Variants in RAD51C observed in about 807,000 individuals in gnomAD.
RAD51C encodes the protein RAD51 paralog C.
RAD51C carries 42 observed loss-of-function variants against 45.0 expected under a neutral mutation model. The observed-to-expected ratio is 0.93, with a 90% CI of 0.73 to 1.21. The LOEUF is 1.21. Among genes scored for constraint, RAD51C ranks in the 50% most tolerant of loss-of-function variants. RAD51C has a pLI of 0.00. For missense variants in RAD51C, 474 were observed against 452.2 expected, an observed-to-expected ratio of 1.05 and a Z score of -0.44; for synonymous variants, 172 against 159.8, an observed-to-expected ratio of 1.08 and a Z score of -0.58.
Position 58,722,779 on chromosome 17 carries a change from T to C in RAD51C, c.905-1261T>C, listed in dbSNP as rs566587401. ...GCGCTCTCTTTGCTAGTTCTGGAAT[T>C]TGGCCAGGATGCACATCAAAATCTC... On this transcript the variant is annotated intron_variant, in intron 6 of 8. Transcript: ENST00000337432. Among the ~76,000 whole-genome samples the C allele has an allele frequency of 1.4e-4, 22 of 152,330 alleles. No individual in the cohort carries two copies. In the South Asian group the frequency reaches 4.3e-3, roughly 30 times the overall value.
At chr17:58,726,843 C>T (rs1317399689) in intron 7 of RAD51C, among the ~76,000 whole-genome samples, 2 of 139,906 alleles carry the variant, frequency 1.4e-5, no homozygotes, top group African/African-American at 2.5e-5. Flanking sequence ...TTTTTTGAGA[C>T]GGAGTCTCGC....
intron 3 of RAD51C, among the ~76,000 whole-genome samples, chr17:58,701,839 A>G (rs751088727): frequency 2.0e-5 from 3 of 152,006 alleles, no homozygotes; most frequent in Non-Finnish European, 4.4e-5. Flanking sequence ...CTGTGATTAC[A>G]AGTGTGAGCC....
chr17:58,703,905 A>G (rs2048292802), intron 4 of RAD51C, among the ~76,000 whole-genome samples: 1 of 134,976 alleles, frequency 7.4e-6, no homozygotes, highest in African/African-American at 2.8e-5. Context: ...TCAAGGCTAC[A>G]TTGAGCTACC....
At chr17:58,720,439 T>A (rs2048878682) in intron 5 of RAD51C, among the ~76,000 whole-genome samples, 2 of 151,244 alleles carry the variant, frequency 1.3e-5, no homozygotes, top group Non-Finnish European at 3.0e-5. Flanking sequence ...AAATAAAAAA[T>A]AAAATCACAA....
intron 4 of RAD51C, 48 bp from the exon 5 acceptor site, chr17:58,709,811 T>C (rs1236977179): frequency 2.0e-6 from 3 of 1,521,978 alleles, no homozygotes; most frequent in Non-Finnish European, 2.7e-6. Context: ...TTTATTATTA[T>C]TATTTTATTT....
At chr17:58,729,901 GCTT>G (rs2144025118) in intron 7 of RAD51C, among the ~76,000 whole-genome samples, 2 of 151,894 alleles carry the variant, frequency 1.3e-5, no homozygotes, top group African/African-American at 4.8e-5. Flanking sequence ...GCATGTAAAT[GCTT>G]CTTAAAAGCT....
At chr17:58,692,910 G>T in intron 1 of RAD51C, 122 bp downstream of exon 1, 1 of 1,441,282 alleles carries the variant, frequency 6.9e-7, no homozygotes, top group Non-Finnish European at 9.6e-7. Flanking sequence ...CCACGTCCAT[G>T]TTTACAGCGT....
At chr17:58,714,754 G>T (rs939500217) in intron 5 of RAD51C, among the ~76,000 whole-genome samples, 1 of 152,208 alleles carries the variant, frequency 6.6e-6, no homozygotes, top group Non-Finnish European at 1.5e-5. Flanking sequence ...ACCACGCCCA[G>T]CTAGGTACCA....
Position 58,696,718 on chromosome 17 carries a change from A to T in RAD51C, c.430A>T (p.Ile144Leu), listed in dbSNP as rs1271229750. The change falls in exon 3 of 9, where the codon ATA becomes TTA. Residue 144 changes from isoleucine (I) to leucine (L), a missense_variant. Ile to Leu is a conservative substitution (Grantham distance 5, BLOSUM62 2). Coordinates refer to ENST00000337432, the MANE Select transcript of RAD51C (RefSeq NM_058216.3). Reference protein sequence around the residue: ...LCMQLAVDVQIPECFGGVAGE... With the variant: ...LCMQLAVDVQLPECFGGVAGE... ...TATGCAGTTGGCAGTAGATGTGCAG[A>T]TACCAGAATGTTTTGGAGGAGTGGC... 6.2e-7 allele frequency: 1 copy of T among 1,614,220 alleles called. No homozygotes were observed. Among genetic ancestry groups the T allele is most frequent in the Admixed American group, 1.7e-5 (1 of 60,026 alleles).
intron 8 of RAD51C, among the ~76,000 whole-genome samples, chr17:58,733,515 C>G (rs1344767551): frequency 6.6e-6 from 1 of 152,050 alleles, no homozygotes; most frequent in Non-Finnish European, 1.5e-5. Flanking sequence ...TAGGTTATTT[C>G]CTTTTACTTC....
At chr17:58,733,683 CTCT>C (rs2049536320) in intron 8 of RAD51C, among the ~76,000 whole-genome samples, 2 of 152,104 alleles carry the variant, frequency 1.3e-5, no homozygotes, top group Non-Finnish European at 2.9e-5. Context: ...GAGGTTTATT[CTCT>C]TCATTCACAG....
At chr17:58,701,465 G>A (rs2048209473) in intron 3 of RAD51C, among the ~76,000 whole-genome samples, 1 of 151,336 alleles carries the variant, frequency 6.6e-6, no homozygotes, top group Middle Eastern at 3.5e-3. Flanking sequence ...CTGAGATCAC[G>A]GCACTGCACT....
chr17:58,718,158 G>A (rs766266076), intron 5 of RAD51C, among the ~76,000 whole-genome samples: 22 of 152,006 alleles, frequency 1.4e-4, no homozygotes, highest in Non-Finnish European at 7.4e-5. Context: ...CCCAACGTTC[G>A]GCTAATTTTT....
chr17:58,714,142 A>C (rs535037317), intron 5 of RAD51C, among the ~76,000 whole-genome samples: 1 of 151,656 alleles, frequency 6.6e-6, no homozygotes, highest in South Asian at 2.1e-4. Context: ...GCACCACCAC[A>C]CCTGGCTAAT....
At chr17:58,710,290 G>A (rs912885324) in intron 5 of RAD51C, among the ~76,000 whole-genome samples, 7 of 126,934 alleles carry the variant, frequency 5.5e-5, no homozygotes, top group Non-Finnish European at 7.9e-5. Flanking sequence ...GACCACCCTC[G>A]CCAACATGGT....
chr17:58,734,257 G>A lies in RAD51C; in HGVS notation c.*35G>A, dbSNP rs2144064046. ...AAATCTCAAAGTGTACAAATTTATT[G>A]ATGTTGTGAAATCAATGTGTACAAG... On this transcript the variant is annotated 3_prime_UTR_variant, in exon 9 of 9. Coordinates refer to ENST00000337432, the MANE Select transcript of RAD51C (RefSeq NM_058216.3). 1.9e-6 allele frequency: 3 copies of A among 1,591,192 alleles called. No homozygotes were observed. The highest frequency in any genetic ancestry group is 2.3e-5 in the South Asian group (2 of 88,682).
chr17:58,723,968 T>C lies in RAD51C; in HGVS notation c.905-72T>C. 4 of 1,284,956 alleles carry C rather than the reference T, an allele frequency of 3.1e-6. No individual in the cohort carries two copies. In the Admixed American group the frequency reaches 6.8e-5, roughly 22 times the overall value. The allele number at this position is 1,284,956 out of a possible 1,614,324, so 79.6% of individuals were successfully genotyped here. On this transcript the variant is annotated intron_variant, in intron 6 of 8. Coordinates refer to ENST00000337432, the MANE Select transcript of RAD51C (RefSeq NM_058216.3). ...ATTAATAAAGTAAGATTATATTTGA[T>C]CAGAGGCGTTCTGAGAAATGTATAA...
chr17:58,711,531 G>T (rs1160513329), intron 5 of RAD51C, among the ~76,000 whole-genome samples: 1 of 152,034 alleles, frequency 6.6e-6, no homozygotes, highest in Non-Finnish European at 1.5e-5. Context: ...TACAATCAGG[G>T]CTCGCCACAG....
chr17:58,722,546 T>C (rs304268), intron 6 of RAD51C, among the ~76,000 whole-genome samples: 45,212 of 152,024 alleles, frequency 0.3, 7,199 homozygotes, highest in Middle Eastern at 0.48. Flanking sequence ...AACTCCTGTG[T>C]TCTAGACTCC....
Sources: allele counts gnomAD v4.1 joint callset (sites outside exome capture counted in the v4.1 genomes callset), GRCh38; gene constraint gnomAD v4.1.1; transcripts MANE v1.5; gene names NCBI Gene and HGNC (gene_info 2026-07-23, HGNC 2026-07-21).